AGR3: variants seen among roughly 807,000 people sequenced by gnomAD.
The protein encoded by AGR3 is anterior gradient 3, protein disulphide isomerase family member, also known as anterior gradient protein 3.
Under a neutral mutation model 24.5 loss-of-function variants are expected in AGR3, and 37 were observed. That is an observed-to-expected ratio of 1.51 (90% CI 1.16 to 1.99). The LOEUF is 1.99. Among genes scored for constraint, AGR3 ranks in the 30% most tolerant of loss-of-function variants. The pLI is 0.00. For synonymous variants in AGR3, 75 were observed against 61.6 expected (o/e 1.22, Z -1.02); for missense variants, 228 against 191.1 (o/e 1.19, Z -1.14).
At chr7:16,877,589 C>T (rs910394413) in intron 2 of AGR3, among the ~76,000 whole-genome samples, 43 of 151,704 alleles carry the variant, frequency 2.8e-4, no homozygotes, top group Admixed American at 8.5e-4. Flanking sequence ...CTTGGCCGGG[C>T]GCGGTGGCTC....
downstream of AGR3, among the ~76,000 whole-genome samples, chr7:16,855,403 T>TG (rs779739627): frequency 0.28 from 43,210 of 151,968 alleles, 6,390 homozygotes; most frequent in South Asian, 0.39. Flanking sequence ...CTTCTAGAAT[T>TG]CATTCCAGAA....
At chr7:16,857,301 C>T (rs554998233), downstream of AGR3, among the ~76,000 whole-genome samples, 3 of 151,968 alleles carry the variant, frequency 2.0e-5, no homozygotes, top group African/African-American at 7.2e-5. Context: ...ATATGTATAA[C>T]AACATAGAAA....
chr7:16,857,857 A>G (rs1418003192), downstream of AGR3, among the ~76,000 whole-genome samples: 1 of 152,204 alleles, frequency 6.6e-6, no homozygotes, highest in Non-Finnish European at 1.5e-5. Context: ...TTGAAATTAC[A>G]GGTGTCTATA....
At chr7:16,865,427 A>G in intron 3 of AGR3, 1 of 884,244 alleles carries the variant, frequency 1.1e-6, no homozygotes, top group Admixed American at 1.8e-5. Context: ...ATTTCATCGT[A>G]ATTGTTGGTG....
chr7:16,858,490 G>T (rs962899590), downstream of AGR3, among the ~76,000 whole-genome samples: 9 of 152,142 alleles, frequency 5.9e-5, no homozygotes, highest in African/African-American at 1.9e-4. Context: ...TTTCCTACCA[G>T]TTAATTGGAG....
At chr7:16,877,390 G>C (rs1217644748) in intron 2 of AGR3, among the ~76,000 whole-genome samples, 1 of 149,094 alleles carries the variant, frequency 6.7e-6, no homozygotes, top group African/African-American at 2.5e-5. Flanking sequence ...TTCCCACTTG[G>C]TTATTCAAAA....
chr7:16,872,538 T>C (rs1209543426), intron 3 of AGR3, among the ~76,000 whole-genome samples: 1 of 152,134 alleles, frequency 6.6e-6, no homozygotes, highest in Non-Finnish European at 1.5e-5. Context: ...CTTCGGACAT[T>C]GTTCCCTGCA....
At chr7:16,864,233 T>G (rs1254804502) in intron 3 of AGR3, 61 of 1,241,146 alleles carry the variant, frequency 4.9e-5, no homozygotes, top group Non-Finnish European at 6.3e-5. Context: ...AATGAATCTG[T>G]GAAGTAGCAA....
intron 3 of AGR3, among the ~76,000 whole-genome samples, chr7:16,868,219 G>C (rs752592866): frequency 2.0e-5 from 3 of 151,688 alleles, no homozygotes; most frequent in African/African-American, 7.3e-5. Flanking sequence ...GCAATGGTGC[G>C]ATCTCGGCTC....
At chr7:16,872,488 C>A (rs1416003478) in intron 3 of AGR3, among the ~76,000 whole-genome samples, 2 of 152,054 alleles carry the variant, frequency 1.3e-5, no homozygotes, top group Non-Finnish European at 2.9e-5. Context: ...ATGTAAGACC[C>A]CAAACTATAA....
At chr7:16,856,801 A>G (rs77418287), downstream of AGR3, among the ~76,000 whole-genome samples, 2,871 of 151,626 alleles carry the variant, frequency 0.019, 95 homozygotes, top group African/African-American at 0.066. Flanking sequence ...AATTATACAC[A>G]TACACACACA....
intron 3 of AGR3, chr7:16,864,808 C>G: frequency 1.1e-6 from 1 of 917,010 alleles, no homozygotes; most frequent in Non-Finnish European, 1.8e-6. Context: ...ATGTATCACA[C>G]CTCTTGTAGC....
rs1455203172 is a variant in AGR3 at position 16,864,711 on chromosome 7, A to T, written c.174-2049T>A. The stretch of plus-strand genomic sequence containing the variant: ...CCAGGCAATTTTCCCCATACTTTTT[A>T]TGTATTAGAAACCACTGCGGTGTGT... On this transcript the variant is annotated intron_variant, in intron 3 of 7. Coordinates refer to ENST00000310398, the MANE Select transcript of AGR3 (RefSeq NM_176813.5). 3 of 1,531,786 alleles carry T rather than the reference A, an allele frequency of 2.0e-6. No homozygotes were observed. In the African/African-American group the frequency reaches 4.1e-5, roughly 21 times the overall value. 94.9% of individuals were successfully genotyped at this position (1,531,786 alleles called of 1,614,324 possible). A position where few individuals can be genotyped will look rare whatever the true frequency, so the allele number is the denominator to read the frequency against.
intron 2 of AGR3, among the ~76,000 whole-genome samples, chr7:16,876,087 A>C (rs1781981875): frequency 6.6e-6 from 1 of 152,186 alleles, no homozygotes; most frequent in African/African-American, 2.4e-5. Flanking sequence ...TCCACAAAGC[A>C]GTGGGAATAC....
In AGR3 at chr7:16,866,044, C is replaced by T. The variant is rs1332284043; in HGVS notation, c.174-3382G>A. On this transcript the variant is annotated intron_variant, in intron 3 of 7. Transcript: ENST00000310398. ...GGTTTATATTTATCTACCCATGGTT[C>T]ATTTTCAGACAGATAGTCTTTTGAA... is the stretch of plus-strand genomic sequence containing the variant. 9.5e-6 allele frequency: 6 copies of T among 634,242 alleles called. No individual in the cohort carries two copies. In the Admixed American group the frequency reaches 1.4e-4, roughly 15 times the overall value. 39.3% of individuals were successfully genotyped at this position (634,242 alleles called of 1,614,324 possible).
At chr7:16,878,440 T>G in intron 2 of AGR3, 70 bp downstream of exon 2, 1 of 1,348,336 alleles carries the variant, frequency 7.4e-7, no homozygotes, top group Non-Finnish European at 1.1e-6. Flanking sequence ...AGACTATGAG[T>G]GAAGACACCA....
chr7:16,863,085 CA>C (rs1781681865), intron 3 of AGR3, among the ~76,000 whole-genome samples: 1 of 152,154 alleles, frequency 6.6e-6, no homozygotes, highest in African/African-American at 2.4e-5. Context: ...GACAAACAAA[CA>C]AAAAACCAAA....
intron 7 of AGR3, among the ~76,000 whole-genome samples, chr7:16,860,046 A>T (rs572380124): frequency 4.6e-5 from 7 of 151,936 alleles, no homozygotes; most frequent in African/African-American, 1.7e-4. Context: ...ACTTGAGGCC[A>T]GGAGTTTGAG....
At chr7:16,871,645 C>T (rs1448660655) in intron 3 of AGR3, among the ~76,000 whole-genome samples, 1 of 152,142 alleles carries the variant, frequency 6.6e-6, no homozygotes, top group Admixed American at 6.5e-5. Flanking sequence ...GAGTTCGAGA[C>T]CAGCCTGGCC....
Sources: allele counts gnomAD v4.1 joint callset (sites outside exome capture counted in the v4.1 genomes callset), GRCh38; gene constraint gnomAD v4.1.1; transcripts MANE v1.5; gene names NCBI Gene and HGNC (gene_info 2026-07-23, HGNC 2026-07-21).